The following OSGEP variants were observed in gnomAD, a reference collection of about 807,000 sequenced individuals.
The protein encoded by OSGEP is O-sialoglycoprotein endopeptidase.
Under a neutral mutation model 44.1 loss-of-function variants are expected in OSGEP, and 39 were observed. The observed-to-expected ratio is 0.88, with a 90% CI of 0.69 to 1.16. The LOEUF is 1.16. OSGEP is among the 50% of genes most tolerant of loss of function. The pLI, the probability that OSGEP is intolerant of heterozygous loss-of-function variation, is 0.00. For missense variants in OSGEP, 403 were observed against 443.1 expected (o/e 0.91, Z 0.81); for synonymous variants, 139 against 161.9 (o/e 0.86, Z 1.07).
intron 1 of OSGEP, among the ~76,000 whole-genome samples, chr14:20,452,830 C>T (rs1009401161): frequency 6.6e-6 from 1 of 152,034 alleles, no homozygotes; most frequent in African/African-American, 2.4e-5. Context: ...TCTGCCTCAG[C>T]CTCCTGAGTA....
chr14:20,454,417 C>T, intron 1 of OSGEP, 152 bp downstream of exon 1: 1 of 730,760 alleles, frequency 1.4e-6, no homozygotes, highest in Admixed American at 2.0e-5. Context: ...GCCTGTAACT[C>T]TTCTAGTCAT....
At chr14:20,449,712 CTCA>C in intron 3 of OSGEP, 1 of 177,018 alleles carries the variant, frequency 5.6e-6, no homozygotes, top group Non-Finnish European at 1.2e-5. Context: ...GTGATCATAG[CTCA>C]CTGTAGCCTC....
At position 20,448,985 on chromosome 14, in the gene OSGEP, T is replaced by C. The variant is rs980385008; in HGVS notation, c.536A>G (p.Asn179Ser). ...TTACCGCTTTGCCATCTGTTCAATGTTGTATCCTGGACTTGGGTCGTTAGA... is the reference window on the plus strand; with the variant it reads ...TTACCGCTTTGCCATCTGTTCAATGCTGTATCCTGGACTTGGGTCGTTAGA... ...KISNDPSPGY[N>S]IEQMAKRGKK... is the part of the protein sequence containing the mutation. Residue 179 changes from asparagine to serine, a missense_variant, in exon 5 of 11, where the codon AAC becomes AGC. Asn to Ser is a conservative substitution (Grantham distance 46, BLOSUM62 1). Transcript: ENST00000206542. The C allele has an allele frequency of 1.2e-6, 2 of 1,614,010 alleles. No individual in the cohort carries two copies. The highest frequency in any genetic ancestry group is 2.7e-5 in the African/African-American group (2 of 74,892).
intron 1 of OSGEP, 98 bp downstream of exon 1, chr14:20,454,471 C>T (rs1881205078): frequency 2.3e-6 from 2 of 855,542 alleles, no homozygotes; most frequent in Non-Finnish European, 4.1e-6. Context: ...CAATGAGACT[C>T]GGATCGAAAG....
At chr14:20,449,060 A>C in intron 4 of OSGEP, 47 bp from the exon 5 acceptor site, 1 of 1,555,802 alleles carries the variant, frequency 6.4e-7, no homozygotes, top group Non-Finnish European at 8.9e-7. Context: ...AGAGGATGAA[A>C]TCAGATATGC....
intron 3 of OSGEP, 68 bp downstream of exon 3, chr14:20,451,906 T>A (rs190546086): frequency 3.7e-6 from 5 of 1,341,492 alleles, no homozygotes; most frequent in Non-Finnish European, 5.1e-6. Context: ...ATGACTCAGA[T>A]AGAACAAAGA....
Position 20,452,059 on chromosome 14 carries a change from T to C in OSGEP, c.326A>G (p.His109Arg). 6.2e-7 allele frequency: 1 copy of C among 1,613,810 alleles called. No individual in the cohort carries two copies. Among genetic ancestry groups the C allele is most frequent in the Non-Finnish European group, 8.5e-7 (1 of 1,179,974 alleles). Residue 109 changes from histidine to arginine, a missense_variant, in exon 3 of 11, where the codon CAC (histidine) becomes CGC (arginine). Transcript: ENST00000206542. ...LWNKPLVGVN[H>R]CIGHIEMGRL... ...GCCCATCTCAATGTGGCCTATACAG[T>C]GGTTCACACCCACCAATGGCTTATT...
chr14:20,450,052 T>G (rs894729165), intron 3 of OSGEP: 1 of 151,546 alleles, frequency 6.6e-6, no homozygotes, highest in Non-Finnish European at 1.5e-5. Flanking sequence ...TTTCTTTTTT[T>G]TTTTTTTCTG....
chr14:20,452,988 C>CGATTACACGGA (rs1881144007), intron 1 of OSGEP, among the ~76,000 whole-genome samples: 1 of 152,006 alleles, frequency 6.6e-6, no homozygotes, highest in Non-Finnish European at 1.5e-5. Context: ...GATTACAGGC[C>CGATTACACGGA]TGAGCCACCG....
At chr14:20,449,612 A>G (rs921993939) in intron 3 of OSGEP, 26 of 271,564 alleles carry the variant, frequency 9.6e-5, no homozygotes, top group Admixed American at 2.4e-4. Flanking sequence ...GGCAGAGAAC[A>G]TGAATCCTTC....
chr14:20,454,633 GC>G lies in OSGEP; in HGVS notation c.50del (p.Gly17AlafsTer38). On this transcript the variant is annotated frameshift_variant, in exon 1 of 11. Transcript: ENST00000206542. LOFTEE classifies it high-confidence loss of function. ...FEGSANKIGVGVVRDGKVLAN... is the reference protein window; with the variant it reads ...FEGSANKIGVXVVRDGKVLAN... ...CCAGCACCTTGCCATCCCGCACCACGCCCACGCCAATCTTATTGGCGCTGCC... is the reference window on the plus strand; with the variant it reads ...CCAGCACCTTGCCATCCCGCACCACGCCACGCCAATCTTATTGGCGCTGCC... 6.2e-7 allele frequency: 1 copy of G among 1,614,160 alleles called. No individual in the cohort carries two copies.
At position 20,446,461 on chromosome 14, in the gene OSGEP, A is replaced by G. The variant is rs1880947545; in HGVS notation, c.*779T>C. 6.6e-6 allele frequency: 1 copy of G among 152,192 alleles called. No individual in the cohort carries two copies. The highest frequency in any genetic ancestry group is 1.5e-5 in the Non-Finnish European group (1 of 68,040). The allele number at this position is 152,192 out of a possible 1,614,324, so 9.4% of individuals were successfully genotyped here. A position where few individuals can be genotyped will look rare whatever the true frequency, so the allele number is the denominator to read the frequency against. On this transcript the variant is annotated 3_prime_UTR_variant, in exon 11 of 11. Coordinates refer to ENST00000206542, the MANE Select transcript of OSGEP (RefSeq NM_017807.4). ...TTTGTTTGTTTGTTTTTAAGAGACA[A>G]GGTTTTGTTCTGTCACTCAGGCTGG... is the stretch of plus-strand genomic sequence containing the variant.
Position 20,451,304 on chromosome 14 carries a change from T to G in OSGEP, c.411+670A>C, listed in dbSNP as rs189920420. On this transcript the variant is annotated intron_variant, in intron 3 of 10. Coordinates refer to ENST00000206542, the MANE Select transcript of OSGEP (RefSeq NM_017807.4). ...TGTCCTTTAGTTGTTTTTTTTTGTT[T>G]TTTGTTTGTTTGTTTGTTTGAGACG... 6.6e-4 allele frequency: 199 copies of G among 302,260 alleles called. No individual in the cohort carries two copies. In the Middle Eastern group the frequency reaches 8.4e-3, roughly 13 times the overall value. 18.7% of individuals were successfully genotyped at this position (302,260 alleles called of 1,614,324 possible).
rs1880983935 is a variant in OSGEP, at chr14:20,447,700, G to A, written c.794-10C>T. The A allele has an allele frequency of 1.2e-6, 2 of 1,609,050 alleles. No individual in the cohort carries two copies. Among genetic ancestry groups the A allele is most frequent in the African/African-American group, 2.7e-5 (2 of 74,918 alleles). ...TGTAGCCTCACATTACCTACAAAGAGGCAGGGAACAGGATTAGCTTAGTTT... is the reference window on the plus strand; with the variant it reads ...TGTAGCCTCACATTACCTACAAAGAAGCAGGGAACAGGATTAGCTTAGTTT... On this transcript the variant is annotated splice_polypyrimidine_tract_variant and intron_variant, in intron 8 of 10. Coordinates refer to ENST00000206542, the MANE Select transcript of OSGEP (RefSeq NM_017807.4).
intron 3 of OSGEP, among the ~76,000 whole-genome samples, chr14:20,451,086 A>G (rs1881083387): frequency 6.6e-6 from 1 of 152,192 alleles, no homozygotes; most frequent in Non-Finnish European, 1.5e-5. Flanking sequence ...TCCAACCTGG[A>G]CAATAAGAGC....
intron 1 of OSGEP, 85 bp downstream of exon 1, chr14:20,454,484 G>C (rs1227147378): frequency 2.2e-6 from 2 of 912,690 alleles, no homozygotes; most frequent in African/African-American, 1.6e-5. Flanking sequence ...ATCGAAAGCT[G>C]CACCTCACTA....
At chr14:20,452,187 T>C (rs980567212) in intron 2 of OSGEP, 38 bp from the exon 3 acceptor site, 14 of 1,543,366 alleles carry the variant, frequency 9.1e-6, no homozygotes, top group Middle Eastern at 1.8e-4. Flanking sequence ...TCCTAGAGAT[T>C]GGAAAAAAAC....
rs1274358185 is a variant in OSGEP, at chr14:20,454,703, C to T, written c.-20G>A. 2 of 1,571,456 alleles carry T rather than the reference C, an allele frequency of 1.3e-6. No individual in the cohort carries two copies. The highest frequency in any genetic ancestry group is 4.5e-5 in the East Asian group (2 of 44,682). On this transcript the variant is annotated 5_prime_UTR_variant, in exon 1 of 11. Coordinates refer to ENST00000206542, the MANE Select transcript of OSGEP (RefSeq NM_017807.4). ...CGGCATGGCGGAGGCTGGGAGAAAA[C>T]GCCGACAGGACTCCTGGCAATGTCA... is the stretch of plus-strand genomic sequence containing the variant.
chr14:20,451,600 C>T (rs1290033022), intron 3 of OSGEP: 1 of 161,722 alleles, frequency 6.2e-6, no homozygotes, highest in African/African-American at 2.4e-5. Context: ...AGTTGCCATA[C>T]CCAGCAACTG....
Sources: allele counts gnomAD v4.1 joint callset (sites outside exome capture counted in the v4.1 genomes callset), GRCh38; gene constraint gnomAD v4.1.1; transcripts MANE v1.5; gene names NCBI Gene and HGNC (gene_info 2026-07-23, HGNC 2026-07-21).